Variants in CERS6 observed in about 807,000 individuals in gnomAD.
CERS6 encodes the protein ceramide synthase 6, also known as LAG1 homolog, ceramide synthase 6.
A neutral mutation model predicts 56.8 loss-of-function variants in CERS6; 26 were observed. That is an observed-to-expected ratio of 0.46 (90% CI 0.34 to 0.63). CERS6 has a LOEUF of 0.63. CERS6 is among the 30% of genes least tolerant of loss of function. CERS6 has a pLI of 0.01. For missense variants in CERS6, 415 were observed against 467.5 expected (o/e 0.89, Z 1.04); for synonymous variants, 164 against 173.3 (o/e 0.95, Z 0.42).
chr2:168,732,982 A>G (rs1430403076), intron 8 of CERS6, among the ~76,000 whole-genome samples: 1 of 152,216 alleles, frequency 6.6e-6, no homozygotes, highest in Non-Finnish European at 1.5e-5. Flanking sequence ...AAAAAAAGAT[A>G]CAGTGATGCC....
At chr2:168,705,697 G>A (rs1246809431) in intron 6 of CERS6, among the ~76,000 whole-genome samples, 1 of 152,152 alleles carries the variant, frequency 6.6e-6, no homozygotes, top group African/African-American at 2.4e-5. Context: ...TATAGTAAAT[G>A]GATGATGGCT....
intron 6 of CERS6, among the ~76,000 whole-genome samples, chr2:168,703,828 T>C (rs1171033896): frequency 6.6e-6 from 1 of 152,156 alleles, no homozygotes; most frequent in African/African-American, 2.4e-5. Flanking sequence ...ATTCTGCCCT[T>C]GAAGTTCAGT....
Position 168,575,479 on chromosome 2 carries a change from C to T in CERS6, c.407+14157C>T, listed in dbSNP as rs1282923859. Among the ~76,000 whole-genome samples, 3 of 152,052 alleles carry T rather than the reference C, an allele frequency of 2.0e-5. 1 individual carries two copies. The South Asian group carries it at 6.2e-4, about 32-fold the overall frequency. On this transcript the variant is annotated intron_variant, in intron 3 of 9. Transcript: ENST00000305747. ...CTATCAGCTTTCGTGAGAACTCACT[C>T]ACTATCAGCAAACTGCCCCCATGAA...
intron 4 of CERS6, among the ~76,000 whole-genome samples, chr2:168,672,388 A>G (rs1189334030): frequency 6.6e-6 from 1 of 152,260 alleles, no homozygotes; most frequent in Non-Finnish European, 1.5e-5. Flanking sequence ...TATGAGCCTA[A>G]CTACAAGAAT....
intron 1 of CERS6, among the ~76,000 whole-genome samples, chr2:168,532,171 T>C (rs901755042): frequency 2.6e-5 from 4 of 152,194 alleles, no homozygotes; most frequent in Non-Finnish European, 5.9e-5. Flanking sequence ...ATTGTCTTCT[T>C]ACTGCACACT....
At chr2:168,477,173 C>CAGAGAGAGGGAGAGAG in intron 1 of CERS6, among the ~76,000 whole-genome samples, 1 of 115,454 alleles carries the variant, frequency 8.7e-6, no homozygotes, top group Non-Finnish European at 1.8e-5. Flanking sequence ...GAGGGAGAGA[C>CAGAGAGAGGGAGAGAG]AGAGAGAGAG....
At chr2:168,600,131 G>C (rs1683896950) in intron 3 of CERS6, among the ~76,000 whole-genome samples, 2 of 151,368 alleles carry the variant, frequency 1.3e-5, no homozygotes, top group Non-Finnish European at 2.9e-5. Flanking sequence ...ATAGGTGACA[G>C]TAGTGTCTGC....
intron 1 of CERS6, among the ~76,000 whole-genome samples, chr2:168,458,250 T>C (rs1174241459): frequency 6.6e-6 from 1 of 152,220 alleles, no homozygotes; most frequent in African/African-American, 2.4e-5. Flanking sequence ...GGCTCACTTT[T>C]AGATAGATAA....
At chr2:168,543,326 C>T (rs1416046824) in intron 1 of CERS6, among the ~76,000 whole-genome samples, 2 of 152,158 alleles carry the variant, frequency 1.3e-5, no homozygotes, top group Non-Finnish European at 2.9e-5. Context: ...CTTGAAAGCA[C>T]ATATTTCCTT....
At chr2:168,504,112 A>G (rs371626537) in intron 1 of CERS6, among the ~76,000 whole-genome samples, 29 of 152,206 alleles carry the variant, frequency 1.9e-4, no homozygotes, top group African/African-American at 5.8e-4. Context: ...CTTGTGAGGC[A>G]TAAAAGTAAA....
intron 3 of CERS6, among the ~76,000 whole-genome samples, chr2:168,584,112 A>T (rs533338272): frequency 6.4e-4 from 97 of 152,302 alleles, no homozygotes; most frequent in African/African-American, 2.3e-3. Context: ...GACTGGCCCT[A>T]ATGCCTATGC....
intron 8 of CERS6, among the ~76,000 whole-genome samples, chr2:168,757,081 C>T (rs1400550393): frequency 1.3e-5 from 2 of 152,052 alleles, no homozygotes; most frequent in Non-Finnish European, 2.9e-5. Context: ...ATATATGTAA[C>T]ATATTTGGCA....
At chr2:168,651,799 A>G (rs1324703917) in intron 4 of CERS6, among the ~76,000 whole-genome samples, 2 of 152,182 alleles carry the variant, frequency 1.3e-5, no homozygotes, top group Non-Finnish European at 2.9e-5. Context: ...GAGCCAAACC[A>G]TATCAGTAAC....
intron 2 of CERS6, among the ~76,000 whole-genome samples, chr2:168,550,589 G>A (rs562648386): frequency 1.0e-3 from 153 of 152,334 alleles, no homozygotes; most frequent in Middle Eastern, 3.4e-3. Flanking sequence ...GTGACTTAGT[G>A]TGCACATGAC....
At chr2:168,581,994 C>A (rs780628103) in intron 3 of CERS6, among the ~76,000 whole-genome samples, 5 of 152,218 alleles carry the variant, frequency 3.3e-5, no homozygotes, top group African/African-American at 4.8e-5. Context: ...CCCACCTGGG[C>A]TAACTCCCCA....
intron 8 of CERS6, among the ~76,000 whole-genome samples, chr2:168,760,386 A>G (rs575992894): frequency 2.6e-5 from 4 of 152,268 alleles, no homozygotes; most frequent in Admixed American, 2.0e-4. Flanking sequence ...TGCCTGCTTT[A>G]TATTTGCCGG....
chr2:168,656,360 C>T (rs568084129), intron 4 of CERS6, among the ~76,000 whole-genome samples: 95 of 152,274 alleles, frequency 6.2e-4, no homozygotes, highest in African/African-American at 2.1e-3. Context: ...TTGGTGGGTT[C>T]TTGGTCTCAC....
chr2:168,528,358 C>T (rs1409043799), intron 1 of CERS6, among the ~76,000 whole-genome samples: 1 of 152,204 alleles, frequency 6.6e-6, no homozygotes, highest in Non-Finnish European at 1.5e-5. Flanking sequence ...CATCAGGGGT[C>T]TGGGTTCTTC....
At chr2:168,501,533 A>T (rs1475739621) in intron 1 of CERS6, among the ~76,000 whole-genome samples, 2 of 152,218 alleles carry the variant, frequency 1.3e-5, no homozygotes, top group Non-Finnish European at 2.9e-5. Flanking sequence ...TCGAAGAAAT[A>T]TTCCTTGGTC....
Sources: allele counts gnomAD v4.1 joint callset (sites outside exome capture counted in the v4.1 genomes callset), GRCh38; gene constraint gnomAD v4.1.1; transcripts MANE v1.5; gene names NCBI Gene and HGNC (gene_info 2026-07-23, HGNC 2026-07-21).